The following ADAMTS20 variants were observed in gnomAD, a reference collection of about 807,000 sequenced individuals.
ADAMTS20 encodes the protein ADAM metallopeptidase with thrombospondin type 1 motif 20, also known as A disintegrin and metalloproteinase with thrombospondin motifs 20.
Under a neutral mutation model 260.1 loss-of-function variants are expected in ADAMTS20, and 225 were observed. The ratio of observed to expected loss-of-function variants is 0.87; its 90% CI spans 0.78 to 0.97. The LOEUF is 0.97. ADAMTS20 is among the 50% of genes least tolerant of loss of function. ADAMTS20 has a pLI of 0.00. For synonymous variants in ADAMTS20, 802 were observed against 769.5 expected, an observed-to-expected ratio of 1.04 and a Z score of -0.70; for missense variants, 2,400 against 2,337.7, an observed-to-expected ratio of 1.03 and a Z score of -0.55.
Position 43,390,102 on chromosome 12 carries a change from C to CAAT in ADAMTS20, c.4453-6128_4453-6126dup, listed in dbSNP as rs549019072. ...TGTGCCAGAATGTGGGAAGCAGAGC[C>CAAT]AATAATGTGGGGTGGCACCAAACCA... is the stretch of plus-strand genomic sequence containing the variant. On this transcript the variant is annotated intron_variant, in intron 29 of 38. Coordinates refer to ENST00000389420, the MANE Select transcript of ADAMTS20 (RefSeq NM_025003.5). Among the ~76,000 whole-genome samples the CAAT allele has an allele frequency of 3.9e-5, 6 of 152,256 alleles. No individual in the cohort carries two copies. In the South Asian group the frequency reaches 1.2e-3, roughly 32 times the overall value.
chr12:43,460,128 C>A (rs1223328170), intron 11 of ADAMTS20, among the ~76,000 whole-genome samples: 1 of 152,154 alleles, frequency 6.6e-6, no homozygotes, highest in Non-Finnish European at 1.5e-5. Flanking sequence ...TATAGGGGTT[C>A]ACTGTGTTTT....
At chr12:43,429,567 T>C (rs1331078864) in intron 24 of ADAMTS20, 50 bp downstream of exon 24, 1 of 1,349,560 alleles carries the variant, frequency 7.4e-7, no homozygotes, top group African/African-American at 1.5e-5. Flanking sequence ...TGTTGATGTC[T>C]AAAAGCTACC....
Position 43,432,585 on chromosome 12 carries a change from A to C in ADAMTS20, c.2931+16T>G, listed in dbSNP as rs1285547910. The C allele has an allele frequency of 3.1e-6, 5 of 1,610,342 alleles. No individual in the cohort carries two copies. In the African/African-American group the frequency reaches 5.3e-5, roughly 17 times the overall value. On this transcript the variant is annotated intron_variant, in intron 20 of 38. Transcript: ENST00000389420. ...AGAAAGGGGCAACTTTTTTTAAGCA[A>C]TCATTTTTATTGTACCTGAGACCAT...
intron 18 of ADAMTS20, among the ~76,000 whole-genome samples, chr12:43,434,919 C>G (rs1941521013): frequency 6.6e-6 from 1 of 152,030 alleles, no homozygotes; most frequent in African/African-American, 2.4e-5. Flanking sequence ...GCCTCCAGAA[C>G]ATCATTTCCC....
chr12:43,462,746 T>A, intron 11 of ADAMTS20, 149 bp downstream of exon 11: 1 of 601,862 alleles, frequency 1.7e-6, no homozygotes, highest in Non-Finnish European at 2.9e-6. Flanking sequence ...TCATTGACAA[T>A]GTACTATATC....
chr12:43,496,556 C>A (rs1942680183), intron 4 of ADAMTS20, among the ~76,000 whole-genome samples: 1 of 152,210 alleles, frequency 6.6e-6, no homozygotes, highest in Non-Finnish European at 1.5e-5. Flanking sequence ...AGGCAGTCAG[C>A]AGACCTGGTC....
chr12:43,462,995 A>G lies in ADAMTS20; in HGVS notation c.1514T>C (p.Ile505Thr). Residue 505 changes from isoleucine to threonine, a missense_variant, in exon 11 of 39, where the codon ATA becomes ACA. Physicochemically the swap from Ile to Thr is moderately conservative, Grantham distance 89. Transcript: ENST00000389420. Reference sequence around the variant, plus strand: ...GCTTGTGCACCACAGATGCATGCATATATTCTCCTGAGTAACAAAAGGCAG... The same window carrying G: ...GCTTGTGCACCACAGATGCATGCATGTATTCTCCTGAGTAACAAAAGGCAG... Reference protein sequence around the residue: ...PGSQMCPHINICMHLWCTSTE... With the variant: ...PGSQMCPHINTCMHLWCTSTE... 1.3e-6 allele frequency: 2 copies of G among 1,599,502 alleles called. No homozygotes were observed. Among genetic ancestry groups the G allele is most frequent in the Non-Finnish European group, 1.7e-6 (2 of 1,172,336 alleles).
At chr12:43,405,835 T>G (rs996528459) in intron 28 of ADAMTS20, among the ~76,000 whole-genome samples, 4 of 152,074 alleles carry the variant, frequency 2.6e-5, no homozygotes, top group African/African-American at 7.2e-5. Flanking sequence ...CACTTCTCTT[T>G]GTCTGCTTTC....
chr12:43,504,104 A>G lies in ADAMTS20; in HGVS notation c.614-1699T>C, dbSNP rs140274350. Among the ~76,000 whole-genome samples the G allele has an allele frequency of 2.8e-4, 43 of 152,220 alleles. No individual in the cohort carries two copies. In the East Asian group the frequency reaches 7.7e-3, roughly 27 times the overall value. On this transcript the variant is annotated intron_variant, in intron 3 of 38. Transcript: ENST00000389420. ...AATGGGGTTGCTGGGATGAATGCCAATTCTGTTTTTAGTTCTTTGAGGAAT... is the reference window on the plus strand; with the variant it reads ...AATGGGGTTGCTGGGATGAATGCCAGTTCTGTTTTTAGTTCTTTGAGGAAT...
intron 7 of ADAMTS20, among the ~76,000 whole-genome samples, chr12:43,483,453 G>A (rs1942472296): frequency 6.6e-6 from 1 of 152,162 alleles, no homozygotes; most frequent in Admixed American, 6.5e-5. Flanking sequence ...GGGTCTTAGA[G>A]AAGGGTACTT....
intron 29 of ADAMTS20, among the ~76,000 whole-genome samples, chr12:43,394,955 C>G (rs1033572907): frequency 2.6e-5 from 4 of 152,080 alleles, no homozygotes; most frequent in African/African-American, 9.7e-5. Context: ...CCTTGCTGCT[C>G]CCTTCTTCTC....
chr12:43,532,393 A>G (rs1045419122), intron 2 of ADAMTS20, among the ~76,000 whole-genome samples, 198 bp from the exon 3 acceptor site: 1 of 152,122 alleles, frequency 6.6e-6, no homozygotes, highest in East Asian at 1.9e-4. Context: ...AGTCATGAAG[A>G]CTGGATAGTG....
intron 14 of ADAMTS20, 61 bp downstream of exon 14, chr12:43,452,212 TC>T (rs1324095116): frequency 6.7e-7 from 1 of 1,494,646 alleles, no homozygotes. Context: ...GTTATATAAA[TC>T]GAAAAAAAAC....
chr12:43,377,965 C>T (rs898627347), intron 31 of ADAMTS20, among the ~76,000 whole-genome samples: 4 of 152,082 alleles, frequency 2.6e-5, no homozygotes, highest in African/African-American at 9.7e-5. Flanking sequence ...TAAGTTAGCA[C>T]ACATGTATCT....
At chr12:43,458,622 A>G (rs1942007628) in intron 11 of ADAMTS20, among the ~76,000 whole-genome samples, 1 of 152,174 alleles carries the variant, frequency 6.6e-6, no homozygotes, top group South Asian at 2.1e-4. Context: ...TGTCCTGACC[A>G]TCATATTTTA....
chr12:43,444,859 C>G (rs1410615189), intron 15 of ADAMTS20, among the ~76,000 whole-genome samples: 1 of 152,124 alleles, frequency 6.6e-6, no homozygotes, highest in Non-Finnish European at 1.5e-5. Flanking sequence ...ACCCTAATGT[C>G]AGACTATCTT....
chr12:43,428,603 T>C (rs898593847), intron 25 of ADAMTS20, 32 bp downstream of exon 25: 2 of 1,480,852 alleles, frequency 1.4e-6, no homozygotes, highest in Admixed American at 4.9e-5. Flanking sequence ...TTTAAATTTT[T>C]CATTTTCTTT....
At position 43,432,670 on chromosome 12, in the gene ADAMTS20, T is replaced by C. The variant is rs761738770; in HGVS notation, c.2862A>G (p.Lys954=). ...VDDHYCGDQL[K]PPTQELCHGN... ...CATGGCATAGTTCTTGGGTAGGAGG[T>C]TTAAGCTGGTCACCACAGTAGTGGT... The change falls in exon 20 of 39, where the codon AAA becomes AAG. Residue 954 remains lysine, a synonymous_variant. Coordinates refer to ENST00000389420, the MANE Select transcript of ADAMTS20 (RefSeq NM_025003.5). The C allele has an allele frequency of 6.2e-7, 1 of 1,613,716 alleles. No homozygotes were observed. Among genetic ancestry groups the C allele is most frequent in the African/African-American group, 1.3e-5 (1 of 74,900 alleles).
chr12:43,408,379 C>T (rs757856751), intron 28 of ADAMTS20, among the ~76,000 whole-genome samples: 1 of 152,130 alleles, frequency 6.6e-6, no homozygotes, highest in Non-Finnish European at 1.5e-5. Flanking sequence ...AAAATATTGT[C>T]TTTTAAGGCA....
Sources: gnomAD v4.1 joint callset for allele counts (sites outside exome capture counted in the v4.1 genomes callset) on GRCh38, gnomAD v4.1.1 for gene constraint, MANE v1.5 for transcripts, NCBI Gene and HGNC (gene_info 2026-07-23, HGNC 2026-07-21) for gene names.